Variants in WDR59 observed in about 807,000 individuals in gnomAD.
WDR59 encodes the protein GATOR2 complex protein WDR59.
Under a neutral mutation model 131.2 loss-of-function variants are expected in WDR59, and 100 were observed. That is an observed-to-expected ratio of 0.76 (90% CI 0.65 to 0.90). WDR59 has a LOEUF of 0.90. WDR59 is among the 40% of genes least tolerant of loss of function. The pLI is 0.00. For missense variants in WDR59, 1,203 were observed against 1,262.2 expected (o/e 0.95, Z 0.71); for synonymous variants, 601 against 466.2 (o/e 1.29, Z -3.72).
chr16:74,916,393 A>C, intron 11 of WDR59, 134 bp from the exon 12 acceptor site: 3 of 1,164,412 alleles, frequency 2.6e-6, no homozygotes, highest in Non-Finnish European at 3.7e-6. Flanking sequence ...GACATAATCA[A>C]AATAGATTTT....
chr16:74,957,746 A>G (rs1665037740), intron 2 of WDR59, among the ~76,000 whole-genome samples: 1 of 152,154 alleles, frequency 6.6e-6, no homozygotes, highest in Non-Finnish European at 1.5e-5. Flanking sequence ...ATTCTTTGCT[A>G]GAGACCACTC....
chr16:74,955,237 C>T (rs1487375188), intron 3 of WDR59, among the ~76,000 whole-genome samples: 1 of 152,192 alleles, frequency 6.6e-6, no homozygotes, highest in Non-Finnish European at 1.5e-5. Context: ...TCCCAGAGGA[C>T]ATCTGACAGT....
At chr16:74,967,408 G>T (rs1318310641) in intron 1 of WDR59, among the ~76,000 whole-genome samples, 1 of 152,136 alleles carries the variant, frequency 6.6e-6, no homozygotes, top group African/African-American at 2.4e-5. Flanking sequence ...TCTTTCTGGG[G>T]AGTCTGTGGT....
intron 14 of WDR59, 115 bp downstream of exon 14, chr16:74,912,083 T>C (rs1484727903): frequency 2.2e-6 from 3 of 1,374,498 alleles, no homozygotes; most frequent in South Asian, 1.3e-5. Flanking sequence ...TACTAGTGTG[T>C]GTACGAAACA....
intron 1 of WDR59, among the ~76,000 whole-genome samples, chr16:74,983,607 G>A (rs1486027350): frequency 6.6e-6 from 1 of 152,086 alleles, no homozygotes; most frequent in Non-Finnish European, 1.5e-5. Flanking sequence ...GCTAAACAAG[G>A]GCTCTGGGGT....
rs566216925 is a variant in WDR59, at chr16:74,948,756, C to T, written c.408-200G>A. On this transcript the variant is annotated intron_variant, in intron 5 of 25. Transcript: ENST00000262144. The stretch of plus-strand genomic sequence containing the variant: ...GTGACTCATGCCTGTAATTCCAGCA[C>T]TTCAGGAGGCTAAGGTGGGCGGATC... Among the ~76,000 whole-genome samples, 5 of 152,236 alleles carry T rather than the reference C, an allele frequency of 3.3e-5. No homozygotes were observed. In the South Asian group the frequency reaches 1.0e-3, roughly 32 times the overall value.
rs1008540643 is a variant in WDR59, at chr16:74,915,784, T to C, written c.1224+86A>G. 4 of 1,581,112 alleles carry C rather than the reference T, an allele frequency of 2.5e-6. No homozygotes were observed. The African/African-American group carries it at 5.4e-5, about 21-fold the overall frequency. The stretch of plus-strand genomic sequence containing the variant: ...GTTCTGTTAAAGCTGCAAAGCTATT[T>C]GCTAACTGAAATCATTGCTGAAATG... On this transcript the variant is annotated intron_variant, in intron 13 of 25. Coordinates refer to ENST00000262144, the MANE Select transcript of WDR59 (RefSeq NM_030581.4).
At position 74,930,488 on chromosome 16, in the gene WDR59, T is replaced by TGAAAAC. The variant is rs2031280197; in HGVS notation, c.652-6491_652-6486dup. 2.0e-5 allele frequency among the ~76,000 whole-genome samples: 3 copies of TGAAAAC among 151,960 alleles called. No individual in the cohort carries two copies. The South Asian group carries it at 6.2e-4, about 32-fold the overall frequency. ...ATGGTAGAATATAAAATAAGAAGCT[T>TGAAAAC]GAAAACATGGTAAAAACAAAACACA... On this transcript the variant is annotated intron_variant, in intron 8 of 25. Coordinates refer to ENST00000262144, the MANE Select transcript of WDR59 (RefSeq NM_030581.4).
At chr16:74,930,010 G>C (rs1364063709) in intron 8 of WDR59, among the ~76,000 whole-genome samples, 1 of 152,220 alleles carries the variant, frequency 6.6e-6, no homozygotes, top group African/African-American at 2.4e-5. Context: ...ATAGAGAGCA[G>C]AATGATGGTT....
chr16:74,875,069 G>A (rs1385635634), intron 25 of WDR59, among the ~76,000 whole-genome samples: 8 of 152,232 alleles, frequency 5.3e-5, no homozygotes, highest in Non-Finnish European at 1.2e-4. Context: ...CGCAGGAGGT[G>A]TTGAACAGGT....
At chr16:74,892,822 C>T (rs2144830970) in intron 19 of WDR59, among the ~76,000 whole-genome samples, 1 of 152,318 alleles carries the variant, frequency 6.6e-6, no homozygotes, top group East Asian at 1.9e-4. Context: ...GCAGGCCATA[C>T]TCAAATACCA....
At chr16:74,952,017 A>G (rs2033030761) in intron 3 of WDR59, among the ~76,000 whole-genome samples, 2 of 150,770 alleles carry the variant, frequency 1.3e-5, no homozygotes, top group African/African-American at 4.9e-5. Flanking sequence ...GATGGGATCT[A>G]CATTGCCCAC....
At position 74,872,378 on chromosome 16, in the gene WDR59, A is replaced by G. The variant is rs1380157575; in HGVS notation, c.*1831T>C. ...AAAAAAGATTTCTTTTCACTGGCACATACAAAATGTGAAGTTGAAAATCAT... is the reference window on the plus strand; with the variant it reads ...AAAAAAGATTTCTTTTCACTGGCACGTACAAAATGTGAAGTTGAAAATCAT... On this transcript the variant is annotated 3_prime_UTR_variant, in exon 26 of 26. Transcript: ENST00000262144. 6.6e-6 allele frequency: 1 copy of G among 152,146 alleles called. No homozygotes were observed. The allele number at this position is 152,146 out of a possible 1,614,324, so 9.4% of individuals were successfully genotyped here. A position where few individuals can be genotyped will look rare whatever the true frequency, so the allele number is the denominator to read the frequency against.
chr16:74,919,335 AT>A (rs550615023), intron 10 of WDR59, among the ~76,000 whole-genome samples: 1,497 of 147,492 alleles, frequency 0.01, 18 homozygotes, highest in African/African-American at 0.035. Flanking sequence ...TTTTTTTTTA[AT>A]TTTTTGTATT....
intron 10 of WDR59, among the ~76,000 whole-genome samples, chr16:74,921,241 C>T (rs1365526714): frequency 6.6e-6 from 1 of 151,874 alleles, no homozygotes; most frequent in Non-Finnish European, 1.5e-5. Context: ...ATCCTCTCCC[C>T]CTCCCACCCT....
chr16:74,975,053 T>C (rs1367186929), intron 1 of WDR59, among the ~76,000 whole-genome samples: 1 of 152,208 alleles, frequency 6.6e-6, no homozygotes, highest in Non-Finnish European at 1.5e-5. Flanking sequence ...GGCACTACTA[T>C]CCTTGTTTTA....
rs763404889 is a variant in WDR59, at chr16:74,885,717, C to A, written c.2625G>T (p.Leu875=). 3.1e-5 allele frequency: 50 copies of A among 1,614,032 alleles called. No homozygotes were observed. In the South Asian group the frequency reaches 3.4e-4, roughly 11 times the overall value. ...CYGEILYRWG[L]REKRAEVLKF... ...TCAACACTTCAGCTCGCTTCTCTCT[C>A]AGACCCCAACGGTAGAGGATTTCCC... The change falls in exon 25 of 26, where the codon CTG becomes CTT. Residue 875 remains leucine (L), a synonymous_variant. Transcript: ENST00000262144.
intron 1 of WDR59, among the ~76,000 whole-genome samples, chr16:74,984,101 A>T (rs2034530310): frequency 6.6e-6 from 1 of 151,660 alleles, no homozygotes; most frequent in South Asian, 2.1e-4. Context: ...ACAAGGTGAA[A>T]CCCCGTCTCT....
At chr16:74,976,788 T>A (rs182172553) in intron 1 of WDR59, among the ~76,000 whole-genome samples, 3 of 152,180 alleles carry the variant, frequency 2.0e-5, no homozygotes, top group African/African-American at 7.2e-5. Flanking sequence ...GAGGCCATGG[T>A]AGGTGGATCA....
Sources: gnomAD v4.1 joint callset for allele counts (sites outside exome capture counted in the v4.1 genomes callset) on GRCh38, gnomAD v4.1.1 for gene constraint, MANE v1.5 for transcripts, NCBI Gene and HGNC (gene_info 2026-07-23, HGNC 2026-07-21) for gene names.